The following DLD variants were observed in gnomAD, a reference collection of about 807,000 sequenced individuals.
DLD encodes the protein dihydrolipoamide dehydrogenase, also known as dihydrolipoyl dehydrogenase, mitochondrial.
DLD carries 36 observed loss-of-function variants against 62.2 expected under a neutral mutation model. The observed-to-expected ratio is 0.58, with a 90% CI of 0.44 to 0.76. DLD has a LOEUF of 0.76. DLD is among the 30% of genes least tolerant of loss of function. The pLI, the probability that DLD is intolerant of heterozygous loss-of-function variation, is 0.00. For synonymous variants in DLD, 204 were observed against 199.6 expected, an observed-to-expected ratio of 1.02 and a Z score of -0.19; for missense variants, 541 against 608.6, an observed-to-expected ratio of 0.89 and a Z score of 1.17.
chr7:107,905,094 G>C (rs1562915183), intron 6 of DLD, 36 bp downstream of exon 6: 3 of 1,440,294 alleles, frequency 2.1e-6, no homozygotes, highest in Non-Finnish European at 2.9e-6. Flanking sequence ...GCTTTACTTT[G>C]AATACAAATT....
chr7:107,896,216 GT>G (rs2031719662), intron 2 of DLD, among the ~76,000 whole-genome samples: 1 of 152,240 alleles, frequency 6.6e-6, no homozygotes, highest in African/African-American at 2.4e-5. Context: ...TAACATCTGA[GT>G]TGGGTTTTAG....
At chr7:107,917,766 G>C (rs1562920805) in intron 11 of DLD, among the ~76,000 whole-genome samples, 158 bp from the exon 12 acceptor site, 1 of 152,230 alleles carries the variant, frequency 6.6e-6, no homozygotes, top group Non-Finnish European at 1.5e-5. Flanking sequence ...CTGAGATATA[G>C]TTCATTAACC....
intron 4 of DLD, among the ~76,000 whole-genome samples, chr7:107,902,648 A>AATGC (rs1562913872): frequency 1.3e-5 from 2 of 152,114 alleles, no homozygotes; most frequent in Non-Finnish European, 2.9e-5. Context: ...ATTCAAACAG[A>AATGC]CTCTGATGTT....
chr7:107,895,488 C>G (rs986601921), intron 2 of DLD, among the ~76,000 whole-genome samples: 1 of 152,214 alleles, frequency 6.6e-6, no homozygotes, highest in African/African-American at 2.4e-5. Context: ...AACACTTAAA[C>G]TTACAGCACT....
chr7:107,903,529 G>C lies in DLD; in HGVS notation c.319G>C (p.Ala107Pro), dbSNP rs765105905. The C allele has an allele frequency of 2.1e-5, 33 of 1,594,624 alleles. No individual in the cohort carries two copies. Among genetic ancestry groups the C allele is most frequent in the Non-Finnish European group, 2.8e-5 (33 of 1,163,212 alleles). ...YYHMAHGKDF[A>P]SRGIEMSEVR... ...CCATATGGCCCATGGAAAAGATTTT[G>C]CATCTAGAGGAATTGAAAGTAAGTA... is the stretch of plus-strand genomic sequence containing the variant. Residue 107 changes from alanine (A) to proline (P), a missense_variant, in exon 5 of 14, where the codon GCA becomes CCA. Transcript: ENST00000205402.
intron 2 of DLD, among the ~76,000 whole-genome samples, chr7:107,899,794 G>GT (rs1013003667): frequency 2.0e-4 from 29 of 148,608 alleles, no homozygotes; most frequent in Non-Finnish European, 2.5e-4. Flanking sequence ...TGGATGGGTT[G>GT]TTTTTTTTTT....
intron 2 of DLD, among the ~76,000 whole-genome samples, chr7:107,899,497 T>C (rs996708940): frequency 6.6e-6 from 1 of 152,042 alleles, no homozygotes; most frequent in Non-Finnish European, 1.5e-5. Context: ...CAAATTTATT[T>C]ATCATTTTAG....
At chr7:107,901,704 T>G (rs369985556) in intron 2 of DLD, 34 bp from the exon 3 acceptor site, 5 of 1,555,452 alleles carry the variant, frequency 3.2e-6, no homozygotes, top group Non-Finnish European at 4.4e-6. Flanking sequence ...TATTAAGCAA[T>G]TTACTATTTT....
At chr7:107,907,205 G>A (rs775856307) in intron 8 of DLD, among the ~76,000 whole-genome samples, 12 of 152,076 alleles carry the variant, frequency 7.9e-5, no homozygotes, top group Non-Finnish European at 1.6e-4. Flanking sequence ...CTCTAGTTCG[G>A]TTTGAATGCA....
At chr7:107,918,242 A>G (rs2032319835) in intron 12 of DLD, among the ~76,000 whole-genome samples, 181 bp downstream of exon 12, 1 of 152,174 alleles carries the variant, frequency 6.6e-6, no homozygotes, top group Non-Finnish European at 1.5e-5. Context: ...TGCCCACTGT[A>G]TCATCTACTT....
rs753978658 is a variant in DLD at position 107,917,903 on chromosome 7, CTT to C, written c.1237-15_1237-14del. ...AACTTTTCTGGCAGTTACGTAGATTCTTTTTTTCTGACTGTCACAGGGTATTG... is the reference window on the plus strand; with the variant it reads ...AACTTTTCTGGCAGTTACGTAGATTCTTTTTCTGACTGTCACAGGGTATTG... On this transcript the variant is annotated intron_variant, in intron 11 of 13. Coordinates refer to ENST00000205402, the MANE Select transcript of DLD (RefSeq NM_000108.5). The C allele has an allele frequency of 3.1e-6, 5 of 1,613,662 alleles. 1 individual carries two copies. Among genetic ancestry groups the C allele is most frequent in the Admixed American group, 1.7e-5 (1 of 59,978 alleles).
In DLD at chr7:107,901,659, T is replaced by G. The variant is rs189432944; in HGVS notation, c.119-79T>G. 8.8e-4 allele frequency: 1,032 copies of G among 1,168,398 alleles called. 5 individuals carry two copies. The African/African-American group carries it at 0.013, about 14-fold the overall frequency. 72.4% of individuals were successfully genotyped at this position (1,168,398 alleles called of 1,614,324 possible). Reference sequence around the variant, plus strand: ...TGTAAGAGGTTTAAGTATCGGGTTATTTGTTTGCTCTTCCAAAGAGCTCTT... The same window carrying G: ...TGTAAGAGGTTTAAGTATCGGGTTAGTTGTTTGCTCTTCCAAAGAGCTCTT... On this transcript the variant is annotated intron_variant, in intron 2 of 13. Transcript: ENST00000205402.
intron 8 of DLD, among the ~76,000 whole-genome samples, chr7:107,914,725 A>G (rs1297851240): frequency 6.6e-6 from 1 of 152,172 alleles, no homozygotes. Context: ...TGCAAAGGAT[A>G]TGTTCATGGT....
chr7:107,903,303 G>A (rs535140014), intron 4 of DLD, among the ~76,000 whole-genome samples, 175 bp from the exon 5 acceptor site: 34 of 152,262 alleles, frequency 2.2e-4, no homozygotes, highest in African/African-American at 7.2e-4. Context: ...GCTTGAGCCC[G>A]GGAGGCGGAG....
At chr7:107,894,993 T>TTGAA (rs1225850984) in intron 2 of DLD, among the ~76,000 whole-genome samples, 1 of 152,228 alleles carries the variant, frequency 6.6e-6, no homozygotes, top group Non-Finnish European at 1.5e-5. Context: ...TACATATTTA[T>TTGAA]TGAATGAATG....
rs796051951 is a variant in DLD, at chr7:107,915,543, C to T, written c.722C>T (p.Ala241Val). The T allele has an allele frequency of 6.2e-7, 1 of 1,613,786 alleles. No individual in the cohort carries two copies. The highest frequency in any genetic ancestry group is 8.5e-7 in the Non-Finnish European group (1 of 1,179,898). ...CAAAGACTTGGTGCAGATGTGACAGCAGTTGAATTTTTAGGTCATGTAGGT... is the reference window on the plus strand; with the variant it reads ...CAAAGACTTGGTGCAGATGTGACAGTAGTTGAATTTTTAGGTCATGTAGGT... ...VWQRLGADVT[A>V]VEFLGHVGGV... is the part of the protein sequence containing the mutation. The change falls in exon 9 of 14, where the codon GCA (alanine) becomes GTA (valine). Residue 241 changes from alanine (A) to valine (V), a missense_variant. Transcript: ENST00000205402.
intron 8 of DLD, among the ~76,000 whole-genome samples, chr7:107,909,632 CT>C (rs1184367853): frequency 6.6e-6 from 1 of 152,122 alleles, no homozygotes; most frequent in Non-Finnish European, 1.5e-5. Flanking sequence ...GTTTGGAACA[CT>C]TGTGGTAGTG....
intron 1 of DLD, 68 bp from the exon 2 acceptor site, chr7:107,893,132 C>T: frequency 1.1e-5 from 15 of 1,350,822 alleles, no homozygotes; most frequent in Non-Finnish European, 1.5e-5. Context: ...GTTCTGTTAT[C>T]ATCAACCTTC....
chr7:107,891,748 T>A (rs946305015), intron 1 of DLD: 2 of 213,312 alleles, frequency 9.4e-6, no homozygotes, highest in Middle Eastern at 2.0e-3. Context: ...ATGGTTTAGA[T>A]CCAGTCAGCT....
Sources: gnomAD v4.1 joint callset for allele counts (sites outside exome capture counted in the v4.1 genomes callset) on GRCh38, gnomAD v4.1.1 for gene constraint, MANE v1.5 for transcripts, NCBI Gene and HGNC (gene_info 2026-07-23, HGNC 2026-07-21) for gene names.